Variants in NHLRC2 observed in about 807,000 individuals in gnomAD.
NHLRC2 encodes NHL repeat containing 2.
NHLRC2 carries 33 observed loss-of-function variants against 68.1 expected under a neutral mutation model. That is an observed-to-expected ratio of 0.48 (90% CI 0.37 to 0.65). The LOEUF (loss-of-function observed/expected upper bound fraction) is 0.65, where lower values mean the gene tolerates loss of function less well. Among genes scored for constraint, NHLRC2 ranks in the 30% least tolerant of loss-of-function variants. The probability of loss-of-function intolerance (pLI) is 0.00; values close to 1 mark genes in which losing one functional copy is unlikely to be tolerated. For missense variants in NHLRC2, 761 were observed against 853.8 expected (o/e 0.89, Z 1.35); for synonymous variants, 311 against 309.6 (o/e 1.00, Z -0.05).
intron 4 of NHLRC2, among the ~76,000 whole-genome samples, chr10:113,880,610 A>G (rs1846028762): frequency 6.6e-6 from 1 of 151,848 alleles, no homozygotes; most frequent in African/African-American, 2.4e-5. Context: ...CATTTATTTG[A>G]CAATATTTTC....
rs576454227 is a variant in NHLRC2 at position 113,870,456 on chromosome 10, A to G, written c.332-6065A>G. On this transcript the variant is annotated intron_variant, in intron 2 of 10. Transcript: ENST00000369301. The stretch of plus-strand genomic sequence containing the variant: ...ATTTTATCCCAGGAGTCACTTCATA[A>G]CAGTTCATAGAGAACTTCTTGACTT... Among the ~76,000 whole-genome samples the G allele has an allele frequency of 2.6e-5, 4 of 152,302 alleles. No homozygotes were observed. The South Asian group carries it at 8.3e-4, about 32-fold the overall frequency.
At chr10:113,859,609 T>G (rs188451467) in intron 2 of NHLRC2, among the ~76,000 whole-genome samples, 410 of 152,342 alleles carry the variant, frequency 2.7e-3, no homozygotes, top group Admixed American at 5.0e-3. Context: ...CAAATATTTC[T>G]ACTAGCTAAA....
rs114643847 is a variant in NHLRC2, at chr10:113,911,648, A to C, written c.*3112A>C. The C allele has an allele frequency of 2.0e-5, 3 of 152,268 alleles. No individual in the cohort carries two copies. In the East Asian group the frequency reaches 5.8e-4, roughly 29 times the overall value. 9.4% of individuals were successfully genotyped at this position (152,268 alleles called of 1,614,324 possible). ...AAATTTAGGAAGTTATTAAAAATAC[A>C]TATCTCTATAATGTAATAGTTTTCT... On this transcript the variant is annotated 3_prime_UTR_variant, in exon 11 of 11. Coordinates refer to ENST00000369301, the MANE Select transcript of NHLRC2 (RefSeq NM_198514.4).
intron 1 of NHLRC2, among the ~76,000 whole-genome samples, chr10:113,857,911 A>C (rs569355871): frequency 6.6e-6 from 1 of 152,144 alleles, no homozygotes; most frequent in South Asian, 2.1e-4. Context: ...TTGTATGTTT[A>C]TCCTTACACA....
At chr10:113,896,116 C>A (rs539867073) in intron 5 of NHLRC2, among the ~76,000 whole-genome samples, 3 of 152,130 alleles carry the variant, frequency 2.0e-5, no homozygotes, top group South Asian at 4.2e-4. Context: ...GGCGATTCCT[C>A]AGGGATCTAG....
intron 5 of NHLRC2, among the ~76,000 whole-genome samples, chr10:113,892,567 A>C (rs1846142266): frequency 6.6e-6 from 1 of 152,180 alleles, no homozygotes; most frequent in Non-Finnish European, 1.5e-5. Flanking sequence ...TGTGCTTTGG[A>C]GGCCACACTC....
chr10:113,873,486 T>A (rs1471185102), intron 2 of NHLRC2, among the ~76,000 whole-genome samples: 2 of 152,150 alleles, frequency 1.3e-5, no homozygotes, highest in African/African-American at 4.8e-5. Context: ...ATTGTGGAGC[T>A]ACATGGCTAA....
chr10:113,903,315 A>G (rs1846244404), intron 8 of NHLRC2, among the ~76,000 whole-genome samples: 1 of 152,196 alleles, frequency 6.6e-6, no homozygotes, highest in African/African-American at 2.4e-5. Flanking sequence ...GATTTTACAT[A>G]GTCTTTAGTT....
At chr10:113,876,430 T>A in intron 2 of NHLRC2, 91 bp from the exon 3 acceptor site, 1 of 718,998 alleles carries the variant, frequency 1.4e-6, no homozygotes, top group South Asian at 2.4e-5. Context: ...CTATGGACTT[T>A]TAATATTTGT....
At chr10:113,882,831 A>C (rs578020255) in intron 4 of NHLRC2, among the ~76,000 whole-genome samples, 23 of 151,898 alleles carry the variant, frequency 1.5e-4, no homozygotes, top group Non-Finnish European at 3.1e-4. Flanking sequence ...GGCTCTTATA[A>C]TTAGGTCTTT....
At chr10:113,884,720 A>G (rs1189378318) in intron 5 of NHLRC2, among the ~76,000 whole-genome samples, 3 of 151,454 alleles carry the variant, frequency 2.0e-5, no homozygotes, top group African/African-American at 7.3e-5. Context: ...GTTATTCATG[A>G]ACAGTAATCA....
intron 6 of NHLRC2, among the ~76,000 whole-genome samples, chr10:113,900,168 G>C (rs1335317594): frequency 6.6e-6 from 1 of 152,112 alleles, no homozygotes; most frequent in Non-Finnish European, 1.5e-5. Flanking sequence ...TTTTTAGAAA[G>C]GTTTAAGCTG....
chr10:113,901,721 C>G lies in NHLRC2; in HGVS notation c.1195C>G (p.Arg399Gly). The G allele has an allele frequency of 6.2e-7, 1 of 1,614,106 alleles. No individual in the cohort carries two copies. The highest frequency in any genetic ancestry group is 8.5e-7 in the Non-Finnish European group (1 of 1,179,978). ...TGCTGGAAGTGGAAATGAAGAGAATCGAAACAATGCCTATCCTCACAAGGC... is the reference window on the plus strand; with the variant it reads ...TGCTGGAAGTGGAAATGAAGAGAATGGAAACAATGCCTATCCTCACAAGGC... ...RFAGSGNEEN[R>G]NNAYPHKAGF... The change falls in exon 7 of 11, where the codon CGA (arginine) becomes GGA (glycine). Residue 399 changes from arginine to glycine, a missense_variant. By Grantham distance (125) the Arg-to-Gly change is moderately radical (BLOSUM62 -2). Coordinates refer to ENST00000369301, the MANE Select transcript of NHLRC2 (RefSeq NM_198514.4).
intron 2 of NHLRC2, among the ~76,000 whole-genome samples, chr10:113,875,724 A>G (rs865985204): frequency 4.6e-5 from 7 of 152,102 alleles, no homozygotes; most frequent in African/African-American, 9.7e-5. Flanking sequence ...TTCGGAATTG[A>G]TAGTTATAAT....
intron 2 of NHLRC2, among the ~76,000 whole-genome samples, chr10:113,868,603 G>A (rs1389440229): frequency 1.3e-5 from 2 of 151,970 alleles, no homozygotes; most frequent in East Asian, 1.9e-4. Flanking sequence ...TCCTACTTAC[G>A]TACTAGGCAC....
In NHLRC2 at chr10:113,912,695, A is replaced by C. The variant is rs919496881; in HGVS notation, c.*4159A>C. On this transcript the variant is annotated 3_prime_UTR_variant, in exon 11 of 11. Coordinates refer to ENST00000369301, the MANE Select transcript of NHLRC2 (RefSeq NM_198514.4). ...TATTGCCTCATTTGAGCTTCAAATA[A>C]CCTTATAAATCGGGCAGGTAGATGT... The C allele has an allele frequency of 1.3e-5, 2 of 152,230 alleles. No homozygotes were observed. Among genetic ancestry groups the C allele is most frequent in the Non-Finnish European group, 2.9e-5 (2 of 68,036 alleles). 9.4% of individuals were successfully genotyped at this position (152,230 alleles called of 1,614,324 possible). A position where few individuals can be genotyped will look rare whatever the true frequency, so the allele number is the denominator to read the frequency against.
chr10:113,868,543 T>C (rs549555742), intron 2 of NHLRC2, among the ~76,000 whole-genome samples: 2 of 152,340 alleles, frequency 1.3e-5, no homozygotes, highest in Admixed American at 1.3e-4. Flanking sequence ...TGGTTTATTA[T>C]ACAGATTTAT....
chr10:113,878,955 A>G (rs1846010950), intron 3 of NHLRC2, among the ~76,000 whole-genome samples: 1 of 152,202 alleles, frequency 6.6e-6, no homozygotes, highest in East Asian at 1.9e-4. Context: ...GGCCATGGAA[A>G]TAATAGTTAC....
chr10:113,908,673 T>G lies in NHLRC2; in HGVS notation c.*137T>G, dbSNP rs1589550828. 1.4e-6 allele frequency: 1 copy of G among 738,788 alleles called. No individual in the cohort carries two copies. Among genetic ancestry groups the G allele is most frequent in the East Asian group, 2.7e-5 (1 of 37,096 alleles). 45.8% of individuals were successfully genotyped at this position (738,788 alleles called of 1,614,324 possible). A position where few individuals can be genotyped will look rare whatever the true frequency, so the allele number is the denominator to read the frequency against. On this transcript the variant is annotated 3_prime_UTR_variant, in exon 11 of 11. Transcript: ENST00000369301. ...ATTGCTCAGTTCAGACAACTGATAT[T>G]AAAATAAAGCTATGCTCCTTACTTA...
Sources: allele counts gnomAD v4.1 joint callset (sites outside exome capture counted in the v4.1 genomes callset), GRCh38; gene constraint gnomAD v4.1.1; transcripts MANE v1.5; gene names NCBI Gene and HGNC (gene_info 2026-07-23, HGNC 2026-07-21).